GRIK2: variants seen among roughly 807,000 people sequenced by gnomAD.
GRIK2 encodes glutamate ionotropic receptor kainate type subunit 2.
A neutral mutation model predicts 100.3 loss-of-function variants in GRIK2; 32 were observed. The ratio of observed to expected loss-of-function variants is 0.32; its 90% CI spans 0.24 to 0.43. The LOEUF is 0.43. GRIK2 is among the 20% of genes least tolerant of loss of function. The pLI, the probability that GRIK2 is intolerant of heterozygous loss-of-function variation, is 1.00. For missense variants in GRIK2, 843 were observed against 1,114.9 expected (o/e 0.76, Z 3.47); for synonymous variants, 417 against 389.4 (o/e 1.07, Z -0.83).
intron 14 of GRIK2, among the ~76,000 whole-genome samples, chr6:101,962,157 G>A (rs900969097): frequency 7.9e-5 from 12 of 152,076 alleles, no homozygotes; most frequent in African/African-American, 2.9e-4. Context: ...ATCTTCAGGG[G>A]TCAATCTCTG....
Position 101,686,215 on chromosome 6 carries a change from C to T in GRIK2, c.813C>T (p.Tyr271=), listed in dbSNP as rs376212970. The T allele has an allele frequency of 5.1e-5, 83 of 1,612,388 alleles. 1 individual carries two copies. Among genetic ancestry groups the T allele is most frequent in the South Asian group, 4.1e-4 (37 of 91,010 alleles). The change falls in exon 7 of 17, where the codon TAC becomes TAT. Residue 271 remains tyrosine, a synonymous_variant. Coordinates refer to ENST00000369134, the MANE Select transcript of GRIK2 (RefSeq NM_021956.5). ...LFALDVEPYR[Y]SGVNMTGFRI... ...CTCTTGATGTTGAGCCCTACCGATACAGTGGTGTTAACATGACAGGGTTCA... is the reference window on the plus strand; with the variant it reads ...CTCTTGATGTTGAGCCCTACCGATATAGTGGTGTTAACATGACAGGGTTCA...
chr6:101,846,098 A>G (rs1400610047), intron 10 of GRIK2, among the ~76,000 whole-genome samples: 4 of 151,890 alleles, frequency 2.6e-5, no homozygotes, highest in African/African-American at 9.7e-5. Context: ...ATTTTCTCCC[A>G]TTCTTTAGTT....
chr6:101,575,860 C>T (rs530525652), intron 2 of GRIK2, among the ~76,000 whole-genome samples: 1 of 151,940 alleles, frequency 6.6e-6, no homozygotes, highest in Non-Finnish European at 1.5e-5. Flanking sequence ...ATGCCCACAC[C>T]TGGCATTTAA....
intron 10 of GRIK2, among the ~76,000 whole-genome samples, chr6:101,858,575 G>A (rs556531394): frequency 6.6e-6 from 1 of 151,648 alleles, no homozygotes; most frequent in East Asian, 1.9e-4. Flanking sequence ...TTTTTTAGTA[G>A]AGATGGGGTT....
In GRIK2 at chr6:101,769,057, G is replaced by A. The variant is rs116640293; in HGVS notation, c.952-30591G>A. On this transcript the variant is annotated intron_variant, in intron 7 of 16. Transcript: ENST00000369134. ...TTATTGCTCTGATTTTTTTATATCT[G>A]TACTAAACTTCATGCTTTTAACTTT... Among the ~76,000 whole-genome samples, 374 of 152,164 alleles carry A rather than the reference G, an allele frequency of 2.5e-3. 1 individual carries two copies. The highest frequency in any genetic ancestry group is 8.0e-3 in the African/African-American group (333 of 41,538).
At chr6:101,446,844 A>G (rs1770406731) in intron 2 of GRIK2, among the ~76,000 whole-genome samples, 1 of 150,990 alleles carries the variant, frequency 6.6e-6, no homozygotes, top group Non-Finnish European at 1.5e-5. Context: ...AATACTACCC[A>G]TGGCTTACTA....
At chr6:101,711,169 T>C (rs1422607164) in intron 7 of GRIK2, among the ~76,000 whole-genome samples, 1 of 151,872 alleles carries the variant, frequency 6.6e-6, no homozygotes, top group Non-Finnish European at 1.5e-5. Context: ...CATTGGTAAC[T>C]TAATTGGCTG....
intron 14 of GRIK2, among the ~76,000 whole-genome samples, chr6:102,028,225 G>A (rs899103264): frequency 1.3e-5 from 2 of 150,994 alleles, no homozygotes; most frequent in South Asian, 4.2e-4. Context: ...AAAATCATTT[G>A]GCAATTGTGA....
chr6:101,428,604 AATT>A (rs1445985913), intron 2 of GRIK2, among the ~76,000 whole-genome samples: 1 of 152,240 alleles, frequency 6.6e-6, no homozygotes, highest in Non-Finnish European at 1.5e-5. Flanking sequence ...TACGTAAGGA[AATT>A]ATTAACATTA....
chr6:101,873,843 C>T (rs1446544481), intron 11 of GRIK2, among the ~76,000 whole-genome samples: 1 of 152,074 alleles, frequency 6.6e-6, no homozygotes, highest in African/African-American at 2.4e-5. Context: ...TCTCTGATGG[C>T]CAGTGATGAT....
At chr6:101,725,716 T>G (rs1387904464) in intron 7 of GRIK2, among the ~76,000 whole-genome samples, 1 of 152,012 alleles carries the variant, frequency 6.6e-6, no homozygotes, top group African/African-American at 2.4e-5. Flanking sequence ...ATTTTAATCT[T>G]CAATATCTGT....
chr6:101,965,553 T>A (rs1169773425), intron 14 of GRIK2, among the ~76,000 whole-genome samples: 1 of 152,216 alleles, frequency 6.6e-6, no homozygotes, highest in Non-Finnish European at 1.5e-5. Context: ...AAGTAATGTT[T>A]ATTTTTGTAA....
chr6:101,908,746 A>G (rs982380129), intron 12 of GRIK2, among the ~76,000 whole-genome samples: 6 of 151,080 alleles, frequency 4.0e-5, no homozygotes, highest in African/African-American at 7.3e-5. Flanking sequence ...AAATATTTCT[A>G]TGAAAAGACA....
At chr6:102,050,510 G>A (rs530824171) in intron 15 of GRIK2, among the ~76,000 whole-genome samples, 1 of 152,092 alleles carries the variant, frequency 6.6e-6, no homozygotes, top group East Asian at 1.9e-4. Flanking sequence ...AAATTAGCTG[G>A]GCGTAGGGTG....
chr6:101,756,375 CTACATTTATAATCTACATTTATAAATGGT>C (rs755261408), intron 7 of GRIK2, among the ~76,000 whole-genome samples: 3,060 of 127,970 alleles, frequency 0.024, 113 homozygotes, highest in African/African-American at 0.09. Context: ...AGTTTCTTAT[CTACATTTATAATCTACATTTATAAATGGT>C]TACATTTATA....
At chr6:101,489,480 A>G (rs1772995430) in intron 2 of GRIK2, among the ~76,000 whole-genome samples, 1 of 146,370 alleles carries the variant, frequency 6.8e-6, no homozygotes, top group Non-Finnish European at 1.5e-5. Flanking sequence ...TCTTGAGAAT[A>G]TGCTAGTATT....
At chr6:101,444,069 TTTTGTTTGTTTG>T (rs374486097) in intron 2 of GRIK2, among the ~76,000 whole-genome samples, 6,443 of 145,330 alleles carry the variant, frequency 0.044, 327 homozygotes, top group Middle Eastern at 0.08. Flanking sequence ...TTCCGGGTTT[TTTTGTTTGTTTG>T]TTTGTTTGTT....
chr6:101,802,128 A>G (rs1456966357), intron 8 of GRIK2, among the ~76,000 whole-genome samples: 2 of 151,922 alleles, frequency 1.3e-5, no homozygotes, highest in African/African-American at 4.8e-5. Context: ...TAAAATGAAA[A>G]ATTTATAGTA....
chr6:101,501,238 A>C (rs1039627841), intron 2 of GRIK2, among the ~76,000 whole-genome samples: 2 of 152,148 alleles, frequency 1.3e-5, no homozygotes, highest in Non-Finnish European at 2.9e-5. Flanking sequence ...TAAAAATTCC[A>C]CTAAATAGGG....
Sources: gnomAD v4.1 joint callset for allele counts (sites outside exome capture counted in the v4.1 genomes callset) on GRCh38, gnomAD v4.1.1 for gene constraint, MANE v1.5 for transcripts, NCBI Gene and HGNC (gene_info 2026-07-23, HGNC 2026-07-21) for gene names.